Variants in ASAP2 observed in about 807,000 individuals in gnomAD.
The protein encoded by ASAP2 is arf-GAP with SH3 domain, ANK repeat and PH domain-containing protein 2.
A neutral mutation model predicts 131.4 loss-of-function variants in ASAP2; 45 were observed. That is an observed-to-expected ratio of 0.34 (90% CI 0.27 to 0.44). The LOEUF is 0.44. Among genes scored for constraint, ASAP2 ranks in the 20% least tolerant of loss-of-function variants. The probability of loss-of-function intolerance (pLI) is 1.00; values close to 1 mark genes in which losing one functional copy is unlikely to be tolerated. For missense variants in ASAP2, 1,011 were observed against 1,297.0 expected (o/e 0.78, Z 3.39); for synonymous variants, 510 against 503.0 (o/e 1.01, Z -0.19).
chr2:9,398,456 G>A (rs1676364773), intron 24 of ASAP2, among the ~76,000 whole-genome samples: 1 of 151,992 alleles, frequency 6.6e-6, no homozygotes. Flanking sequence ...AGGCTGCGGT[G>A]AACTGATTGC....
chr2:9,393,666 G>A lies in ASAP2; in HGVS notation c.2684+19G>A. ...CGCCGGGGTAAGCCACCCCCAGCCAGCTCGGCCATCCGTGCTCCTGCCCTC... is the reference window on the plus strand; with the variant it reads ...CGCCGGGGTAAGCCACCCCCAGCCAACTCGGCCATCCGTGCTCCTGCCCTC... On this transcript the variant is annotated intron_variant, in intron 24 of 27. Transcript: ENST00000281419. The A allele has an allele frequency of 6.4e-7, 1 of 1,550,548 alleles. No homozygotes were observed.
At chr2:9,289,904 TC>T (rs1409764515) in intron 2 of ASAP2, among the ~76,000 whole-genome samples, 6 of 152,128 alleles carry the variant, frequency 3.9e-5, no homozygotes, top group African/African-American at 1.4e-4. Context: ...CCAAGGGACT[TC>T]CTAGGAAAGA....
intron 17 of ASAP2, among the ~76,000 whole-genome samples, chr2:9,376,672 C>A (rs1458419752): frequency 7.2e-5 from 11 of 152,164 alleles, no homozygotes; most frequent in Non-Finnish European, 1.2e-4. Context: ...AAATGAAACT[C>A]CTGAACTTCT....
At position 9,323,229 on chromosome 2, in the gene ASAP2, C is replaced by G; in HGVS notation, c.579C>G (p.Phe193Leu). ...AAGAGATGGAAAAGGAGAGGCGCTT[C>G]TTCCAGCTACAGATGTGCGAGGTAA... ...IAEEMEKERR[F>L]FQLQMCEYLL... The change falls in exon 6 of 28, where the codon TTC becomes TTG. Residue 193 changes from phenylalanine (F) to leucine (L), a missense_variant. By Grantham distance (22) the Phe-to-Leu change is conservative. Around this residue, in one of 2 missense-constraint regions of ASAP2, gnomAD observed 359 missense variants for 598.1 expected, o/e 0.60. Coordinates refer to ENST00000281419, the MANE Select transcript of ASAP2 (RefSeq NM_003887.3). 2 of 1,614,240 alleles carry G rather than the reference C, an allele frequency of 1.2e-6. No homozygotes were observed. The highest frequency in any genetic ancestry group is 1.7e-6 in the Non-Finnish European group (2 of 1,180,040).
At chr2:9,211,067 A>C (rs1319777538) in intron 1 of ASAP2, among the ~76,000 whole-genome samples, 1 of 152,044 alleles carries the variant, frequency 6.6e-6, no homozygotes, top group African/African-American at 2.4e-5. Flanking sequence ...AGGCAGGAGA[A>C]TCACTTGAAC....
intron 1 of ASAP2, among the ~76,000 whole-genome samples, chr2:9,237,895 G>C (rs1663667764): frequency 6.6e-6 from 1 of 152,198 alleles, no homozygotes; most frequent in African/African-American, 2.4e-5. Context: ...TTGAGAGTAT[G>C]ATCTCTGTCC....
intron 5 of ASAP2, among the ~76,000 whole-genome samples, chr2:9,322,225 GACACACAGAGAAATCACATTTCT>G (rs1572449129): frequency 1.3e-5 from 2 of 152,132 alleles, no homozygotes; most frequent in African/African-American, 4.8e-5. Context: ...CACAGTGCAG[GACACACAGAGAAATCACATTTCT>G]TGCCTCTTCT....
chr2:9,310,025 T>C (rs1669200128), intron 3 of ASAP2, among the ~76,000 whole-genome samples: 1 of 152,192 alleles, frequency 6.6e-6, no homozygotes, highest in African/African-American at 2.4e-5. Context: ...TCTGATACCC[T>C]TGTTAATGCT....
intron 1 of ASAP2, among the ~76,000 whole-genome samples, chr2:9,254,778 A>T (rs1572265100): frequency 1.3e-5 from 2 of 151,902 alleles, no homozygotes; most frequent in South Asian, 4.1e-4. Context: ...GAGTCTTGGA[A>T]TGTATTCCCT....
At chr2:9,366,225 C>T (rs867026310) in intron 15 of ASAP2, among the ~76,000 whole-genome samples, 2 of 151,952 alleles carry the variant, frequency 1.3e-5, no homozygotes, top group Admixed American at 6.6e-5. Context: ...CACATGGATG[C>T]GGTGGCTCCC....
intron 3 of ASAP2, among the ~76,000 whole-genome samples, chr2:9,309,312 C>A (rs1357626625): frequency 6.6e-6 from 1 of 152,208 alleles, no homozygotes; most frequent in Non-Finnish European, 1.5e-5. Flanking sequence ...ACTACTGGTA[C>A]ACGCAACTAC....
In ASAP2 at chr2:9,400,824, G is replaced by A. The variant is rs779566217; in HGVS notation, c.2817G>A (p.Ser939=). The A allele has an allele frequency of 6.3e-5, 101 of 1,613,056 alleles. No individual in the cohort carries two copies. Among genetic ancestry groups the A allele is most frequent in the Non-Finnish European group, 7.4e-5 (87 of 1,179,716 alleles). Residue 939 remains serine, a synonymous_variant, in exon 26 of 28, where the codon TCG becomes TCA. Transcript: ENST00000281419. ...LQPPAPMPRK[S]QATKLKPKRV... Reference sequence around the variant, plus strand: ...CCCCTGCACCCATGCCTAGGAAGTCGCAGGCAGTAAGTGACGAGCCCCCTT... The same window carrying A: ...CCCCTGCACCCATGCCTAGGAAGTCACAGGCAGTAAGTGACGAGCCCCCTT...
rs950938561 is a variant in ASAP2 at position 9,391,127 on chromosome 2, C to T, written c.2449C>T (p.Arg817Trp). 7.4e-6 allele frequency: 12 copies of T among 1,614,210 alleles called. No individual in the cohort carries two copies. The highest frequency in any genetic ancestry group is 2.2e-5 in the East Asian group (1 of 44,886). Residue 817 changes from arginine to tryptophan, a missense_variant, in exon 23 of 28, where the codon CGG becomes TGG. This residue lies in a region of ASAP2 where 652 missense variants were observed against 698.9 expected (regional missense o/e 0.93). Coordinates refer to ENST00000281419, the MANE Select transcript of ASAP2 (RefSeq NM_003887.3). ...TNSVSVDGGS[R>W]QRSSSDPPAV... ...CTCTGTAAGTGTGGACGGTGGAAGC[C>T]GGCAGCGATCTTCGTCAGATCCGCC...
intron 1 of ASAP2, among the ~76,000 whole-genome samples, chr2:9,262,805 T>C (rs1665665337): frequency 6.6e-6 from 1 of 152,118 alleles, no homozygotes; most frequent in African/African-American, 2.4e-5. Context: ...CAGCACACGG[T>C]GTGATGATGG....
At chr2:9,286,445 A>ATATATAT (rs199918521) in intron 2 of ASAP2, among the ~76,000 whole-genome samples, 13 of 98,630 alleles carry the variant, frequency 1.3e-4, no homozygotes, top group African/African-American at 3.9e-4. Flanking sequence ...AGGAAAAAAA[A>ATATATAT]AAATATATAT....
intron 1 of ASAP2, among the ~76,000 whole-genome samples, chr2:9,223,772 T>C (rs1206685917): frequency 6.6e-6 from 1 of 152,068 alleles, no homozygotes; most frequent in Non-Finnish European, 1.5e-5. Context: ...CCCAGTGCCC[T>C]ACAGCTAAGG....
intron 11 of ASAP2, among the ~76,000 whole-genome samples, chr2:9,349,849 G>A (rs1336085102): frequency 3.9e-5 from 6 of 151,908 alleles, no homozygotes; most frequent in African/African-American, 1.5e-4. Flanking sequence ...AGGTGTAGAT[G>A]CATATGTGTA....
intron 3 of ASAP2, among the ~76,000 whole-genome samples, chr2:9,299,279 C>G (rs898230897): frequency 1.1e-4 from 16 of 152,110 alleles, no homozygotes; most frequent in Admixed American, 1.0e-3. Context: ...CAGACAGCAG[C>G]CGGAGGATTC....
At chr2:9,209,489 C>G (rs576623743) in intron 1 of ASAP2, among the ~76,000 whole-genome samples, 2 of 152,208 alleles carry the variant, frequency 1.3e-5, no homozygotes, top group African/African-American at 4.8e-5. Flanking sequence ...TAAAGTTACT[C>G]ATTTAACAAA....
Sources: gnomAD v4.1 joint callset for allele counts (sites outside exome capture counted in the v4.1 genomes callset) on GRCh38, gnomAD v4.1.1 for gene constraint, gnomAD v4.1.1 regional missense constraint, MANE v1.5 for transcripts, NCBI Gene and HGNC (gene_info 2026-07-23, HGNC 2026-07-21) for gene names.